Variants in EDEM1 observed in about 807,000 individuals in gnomAD.
The protein encoded by EDEM1 is ER degradation enhancing alpha-mannosidase like protein 1.
A neutral mutation model predicts 74.4 loss-of-function variants in EDEM1; 67 were observed. The ratio of observed to expected loss-of-function variants is 0.90; its 90% CI spans 0.74 to 1.10. The LOEUF (loss-of-function observed/expected upper bound fraction) is 1.10. Among genes scored for constraint, EDEM1 ranks in the 50% least tolerant of loss-of-function variants. The pLI is 0.00. For synonymous variants in EDEM1, 382 were observed against 335.9 expected (o/e 1.14, Z -1.50); for missense variants, 926 against 851.6 (o/e 1.09, Z -1.09).
intron 2 of EDEM1, among the ~76,000 whole-genome samples, chr3:5,198,036 G>T (rs2054990609): frequency 6.6e-6 from 1 of 151,958 alleles, no homozygotes; most frequent in South Asian, 2.1e-4. Flanking sequence ...AAGACAAATG[G>T]TTACATTTTT....
In EDEM1 at chr3:5,216,345, T is replaced by G. The variant is rs898361154; in HGVS notation, c.*427T>G. The G allele has an allele frequency of 6.5e-6, 1 of 153,124 alleles. No individual in the cohort carries two copies. Among genetic ancestry groups the G allele is most frequent in the African/African-American group, 2.4e-5 (1 of 41,440 alleles). The allele number at this position is 153,124 out of a possible 1,614,324, so 9.5% of individuals were successfully genotyped here. On this transcript the variant is annotated 3_prime_UTR_variant, in exon 12 of 12. Transcript: ENST00000256497. ...TTGAGACAGGGTCTTGATATTTTTT[T>G]GGGACAGGGTTACCTGGGCTCAAGT... is the stretch of plus-strand genomic sequence containing the variant.
chr3:5,215,420 G>A (rs2055221926), intron 11 of EDEM1, among the ~76,000 whole-genome samples: 1 of 152,154 alleles, frequency 6.6e-6, no homozygotes, highest in South Asian at 2.1e-4. Flanking sequence ...TGAAATTCTG[G>A]GCGGACTAAG....
intron 5 of EDEM1, among the ~76,000 whole-genome samples, chr3:5,204,040 A>G (rs908509565): frequency 2.0e-5 from 3 of 152,190 alleles, no homozygotes; most frequent in Admixed American, 2.0e-4. Flanking sequence ...CCTAGGTGTT[A>G]TTTTAACTCA....
intron 2 of EDEM1, among the ~76,000 whole-genome samples, chr3:5,196,901 GTCA>G (rs1483578791): frequency 5.3e-5 from 8 of 151,390 alleles, no homozygotes; most frequent in African/African-American, 1.9e-4. Context: ...TGAGAGCTTT[GTCA>G]TCGTCGTCGT....
chr3:5,203,202 C>T, intron 5 of EDEM1, 53 bp downstream of exon 5: 1 of 1,473,574 alleles, frequency 6.8e-7, no homozygotes. Flanking sequence ...TCCCCTTTTC[C>T]TTTCATCTTC....
intron 7 of EDEM1, 135 bp downstream of exon 7, chr3:5,207,408 A>G: frequency 8.0e-7 from 1 of 1,257,498 alleles, no homozygotes; most frequent in Non-Finnish European, 1.1e-6. Context: ...ATACGTCTTC[A>G]TCTCTCTGTT....
At chr3:5,214,747 G>C (rs2055210077) in intron 11 of EDEM1, among the ~76,000 whole-genome samples, 1 of 152,170 alleles carries the variant, frequency 6.6e-6, no homozygotes, top group Non-Finnish European at 1.5e-5. Flanking sequence ...CCCAGGCAGT[G>C]TCTTCTCTTT....
Position 5,207,085 on chromosome 3 carries a change from T to C in EDEM1, c.1218-68T>C, listed in dbSNP as rs879122323. 8.2e-6 allele frequency: 13 copies of C among 1,583,784 alleles called. 1 individual carries two copies. Among genetic ancestry groups the C allele is most frequent in the South Asian group, 3.4e-5 (3 of 87,016 alleles). ...CCGTTTAAATGAAACTACCAGCAGC[T>C]GCTGGAGAGGTAGAGATCTGTCAGT... On this transcript the variant is annotated intron_variant, in intron 6 of 11. Coordinates refer to ENST00000256497, the MANE Select transcript of EDEM1 (RefSeq NM_014674.3).
At chr3:5,203,354 G>A (rs1315124153) in intron 5 of EDEM1, among the ~76,000 whole-genome samples, 1 of 152,200 alleles carries the variant, frequency 6.6e-6, no homozygotes, top group East Asian at 1.9e-4. Context: ...TTGTGTTTGA[G>A]GGCTCCCTTC....
chr3:5,188,090 C>A lies in EDEM1; in HGVS notation c.285C>A (p.Cys95Ter), dbSNP rs770264022. 1 of 1,496,744 alleles carries A rather than the reference C, an allele frequency of 6.7e-7. No individual in the cohort carries two copies. Among genetic ancestry groups the A allele is most frequent in the Admixed American group, 2.2e-5 (1 of 44,568 alleles). The allele number at this position is 1,496,744 out of a possible 1,614,324, so 92.7% of individuals were successfully genotyped here. The part of the protein sequence containing the change: ...KAPRRPGPGM[C>*]GPANWGYVLG... ...CGCGGCGTCCTGGGCCGGGGATGTG[C>A]GGCCCAGCCAACTGGGGCTACGTGC... The change falls in exon 1 of 12, where the codon TGC (cysteine) becomes TGA (stop). Residue 95 changes from cysteine (C) to a stop codon, truncating the protein, a stop_gained. Transcript: ENST00000256497. LOFTEE classifies it high-confidence loss of function.
At chr3:5,207,364 C>T in intron 7 of EDEM1, 91 bp downstream of exon 7, 1 of 1,546,164 alleles carries the variant, frequency 6.5e-7, no homozygotes, top group Non-Finnish European at 8.7e-7. Context: ...TGAGCATTCT[C>T]TGTCTCCTTT....
At chr3:5,208,776 C>A (rs1353935348) in intron 8 of EDEM1, among the ~76,000 whole-genome samples, 1 of 151,420 alleles carries the variant, frequency 6.6e-6, no homozygotes, top group Non-Finnish European at 1.5e-5. Context: ...TATATACACA[C>A]ACACACACAC....
At chr3:5,206,447 C>T (rs1038697262) in intron 6 of EDEM1, among the ~76,000 whole-genome samples, 10 of 152,108 alleles carry the variant, frequency 6.6e-5, no homozygotes, top group Non-Finnish European at 1.3e-4. Context: ...ACCTCGTGAT[C>T]CACCCGCCTC....
chr3:5,205,828 C>T (rs1164346727), intron 6 of EDEM1, among the ~76,000 whole-genome samples: 1 of 152,002 alleles, frequency 6.6e-6, no homozygotes, highest in Non-Finnish European at 1.5e-5. Context: ...GACCATTAGT[C>T]ACCCAGATCA....
intron 11 of EDEM1, among the ~76,000 whole-genome samples, chr3:5,215,577 A>G (rs2055224431): frequency 6.6e-6 from 1 of 152,190 alleles, no homozygotes; most frequent in Admixed American, 6.5e-5. Flanking sequence ...TTTGCTCCTC[A>G]GGGAACATTG....
At chr3:5,199,814 A>T in intron 3 of EDEM1, 119 bp downstream of exon 3, 1 of 677,958 alleles carries the variant, frequency 1.5e-6, no homozygotes, top group Non-Finnish European at 2.5e-6. Flanking sequence ...TATGGGCTTT[A>T]TGGGTGCAGT....
Position 5,211,135 on chromosome 3 carries a change from G to A in EDEM1, c.1599G>A (p.Thr533=), listed in dbSNP as rs767856945. The change falls in exon 10 of 12, where the codon ACG becomes ACA. Residue 533 remains threonine (T), a synonymous_variant. Coordinates refer to ENST00000256497, the MANE Select transcript of EDEM1 (RefSeq NM_014674.3). ...TGTTTTGTAGGTGTGGGTACGCCAC[G>A]CTGCATCACGTCATTGACAAGTCCA... ...KYTKVKCGYA[T]LHHVIDKSTE... 21 of 1,614,004 alleles carry A rather than the reference G, an allele frequency of 1.3e-5. No individual in the cohort carries two copies. The highest frequency in any genetic ancestry group is 1.1e-4 in the South Asian group (10 of 91,082).
In EDEM1 at chr3:5,215,989, C is replaced by A; in HGVS notation, c.*71C>A. ...AACCCAGACCATGCCAAAGTCCAGTCTGAAATGAAAGGGGACAGAAGTCTT... is the reference window on the plus strand; with the variant it reads ...AACCCAGACCATGCCAAAGTCCAGTATGAAATGAAAGGGGACAGAAGTCTT... On this transcript the variant is annotated 3_prime_UTR_variant, in exon 12 of 12. Coordinates refer to ENST00000256497, the MANE Select transcript of EDEM1 (RefSeq NM_014674.3). The A allele has an allele frequency of 2.2e-6, 3 of 1,336,344 alleles. No homozygotes were observed. Among genetic ancestry groups the A allele is most frequent in the African/African-American group, 1.5e-5 (1 of 68,084 alleles). The allele number at this position is 1,336,344 out of a possible 1,614,324, so 82.8% of individuals were successfully genotyped here. A position where few individuals can be genotyped will look rare whatever the true frequency, so the allele number is the denominator to read the frequency against.
At position 5,195,225 on chromosome 3, in the gene EDEM1, A is replaced by C; in HGVS notation, c.526A>C (p.Asn176His). The C allele has an allele frequency of 6.5e-7, 1 of 1,539,686 alleles. No individual in the cohort carries two copies. The highest frequency in any genetic ancestry group is 8.8e-7 in the Non-Finnish European group (1 of 1,140,654). ...CTTTTTCAGTTCAAATCTGAACATC[A>C]ATGATGTACTAGGGAACTACTCATT... ...DRGDPSNLNI[N>H]DVLGNYSLTL... The change falls in exon 2 of 12, where the codon AAT (asparagine) becomes CAT (histidine). Residue 176 changes from asparagine to histidine, a missense_variant. Transcript: ENST00000256497.
Sources: gnomAD v4.1 joint callset for allele counts (sites outside exome capture counted in the v4.1 genomes callset) on GRCh38, gnomAD v4.1.1 for gene constraint, MANE v1.5 for transcripts, NCBI Gene and HGNC (gene_info 2026-07-23, HGNC 2026-07-21) for gene names.